The following SH3RF3 variants were observed in gnomAD, a reference collection of about 807,000 sequenced individuals.
SH3RF3 encodes the protein E3 ubiquitin-protein ligase SH3RF3.
In SH3RF3, 29 loss-of-function variants were observed where a neutral mutation model predicts 66.3. The ratio of observed to expected loss-of-function variants is 0.44; its 90% CI spans 0.33 to 0.60. SH3RF3 has a LOEUF of 0.60. Ranked by LOEUF, SH3RF3 falls within the 20% of genes least tolerant of loss-of-function variation. The pLI is 0.04. For synonymous variants in SH3RF3, 583 were observed against 532.0 expected (o/e 1.10, Z -1.32); for missense variants, 1,194 against 1,190.9 (o/e 1.00, Z -0.04).
chr2:109,457,298 T>C lies in SH3RF3; in HGVS notation c.2148+7809T>C, dbSNP rs547509203. ...GTAAAACTTATATCCCCGAGGCTTC[T>C]CTAAAAGATCAAAGGAGGGGTTAAT... On this transcript the variant is annotated intron_variant, in intron 8 of 9. Coordinates refer to ENST00000309415, the MANE Select transcript of SH3RF3 (RefSeq NM_001099289.3). Among the ~76,000 whole-genome samples, 9 of 152,342 alleles carry C rather than the reference T, an allele frequency of 5.9e-5. No individual in the cohort carries two copies. In the South Asian group the frequency reaches 1.9e-3, roughly 32 times the overall value.
At chr2:109,373,451 A>G (rs1013513688) in intron 3 of SH3RF3, among the ~76,000 whole-genome samples, 1 of 152,242 alleles carries the variant, frequency 6.6e-6, no homozygotes, top group African/African-American at 2.4e-5. Context: ...CAGTATATCC[A>G]TACAATGGAA....
At chr2:109,149,912 T>C (rs2104866148) in intron 1 of SH3RF3, among the ~76,000 whole-genome samples, 1 of 152,360 alleles carries the variant, frequency 6.6e-6, no homozygotes, top group South Asian at 2.1e-4. Context: ...GAAATCACTT[T>C]TTAATTGCAG....
chr2:109,256,031 G>A (rs988974569), intron 1 of SH3RF3, among the ~76,000 whole-genome samples: 3 of 152,100 alleles, frequency 2.0e-5, no homozygotes, highest in Admixed American at 2.0e-4. Flanking sequence ...CTCTCTTACT[G>A]TCCTCTTTTT....
intron 3 of SH3RF3, among the ~76,000 whole-genome samples, chr2:109,393,974 G>C (rs1187705939): frequency 6.6e-6 from 1 of 152,046 alleles, no homozygotes; most frequent in Non-Finnish European, 1.5e-5. Context: ...TGAAATTCCA[G>C]GGCTGGCCGC....
At chr2:109,331,259 G>A (rs562039633) in intron 1 of SH3RF3, among the ~76,000 whole-genome samples, 1 of 152,190 alleles carries the variant, frequency 6.6e-6, no homozygotes, top group South Asian at 2.1e-4. Flanking sequence ...CGCCTGTCCC[G>A]CAGGGCTGGG....
At chr2:109,284,043 C>T (rs1006428169) in intron 1 of SH3RF3, among the ~76,000 whole-genome samples, 5 of 152,166 alleles carry the variant, frequency 3.3e-5, no homozygotes, top group Non-Finnish European at 7.3e-5. Context: ...CATTGGGCTG[C>T]CTTCTCACTT....
intron 6 of SH3RF3, among the ~76,000 whole-genome samples, chr2:109,433,526 A>G (rs1235608797): frequency 6.6e-6 from 1 of 152,234 alleles, no homozygotes; most frequent in African/African-American, 2.4e-5. Context: ...TTGACACTGC[A>G]GGACACACAC....
chr2:109,450,467 A>G (rs1677836586), intron 8 of SH3RF3, among the ~76,000 whole-genome samples: 1 of 152,276 alleles, frequency 6.6e-6, no homozygotes. Flanking sequence ...GCTGTCCAGC[A>G]GAAACATAAT....
At chr2:109,460,694 A>T (rs1424123351) in intron 8 of SH3RF3, among the ~76,000 whole-genome samples, 1 of 143,208 alleles carries the variant, frequency 7.0e-6, no homozygotes, top group Non-Finnish European at 1.5e-5. Context: ...GTCTTTTCAC[A>T]TGTGCTTTTC....
chr2:109,245,211 C>G (rs1253423164), intron 1 of SH3RF3, among the ~76,000 whole-genome samples: 1 of 152,118 alleles, frequency 6.6e-6, no homozygotes, highest in Non-Finnish European at 1.5e-5. Flanking sequence ...TGTATAGCTC[C>G]TGTCTCTCTA....
At chr2:109,370,812 C>CA (rs1046559413) in intron 2 of SH3RF3, among the ~76,000 whole-genome samples, 1 of 152,162 alleles carries the variant, frequency 6.6e-6, no homozygotes, top group Non-Finnish European at 1.5e-5. Context: ...CCACTTTGTG[C>CA]ATTTATACTT....
intron 5 of SH3RF3, among the ~76,000 whole-genome samples, chr2:109,423,687 C>T (rs948033792): frequency 2.6e-5 from 4 of 152,202 alleles, no homozygotes; most frequent in East Asian, 1.9e-4. Flanking sequence ...AGAGGCCAGC[C>T]GCCCAGCCTC....
At chr2:109,164,979 T>G (rs1344042281) in intron 1 of SH3RF3, among the ~76,000 whole-genome samples, 3 of 152,234 alleles carry the variant, frequency 2.0e-5, no homozygotes, top group African/African-American at 7.2e-5. Context: ...TTTTAAAGCC[T>G]CTTCTTAGTC....
intron 1 of SH3RF3, among the ~76,000 whole-genome samples, chr2:109,298,159 G>A (rs1681367779): frequency 6.6e-6 from 1 of 152,196 alleles, no homozygotes; most frequent in Non-Finnish European, 1.5e-5. Flanking sequence ...CGGGTGGATG[G>A]CCCAGCTGGT....
At chr2:109,193,566 A>C (rs1435139060) in intron 1 of SH3RF3, among the ~76,000 whole-genome samples, 1 of 151,976 alleles carries the variant, frequency 6.6e-6, no homozygotes, top group Non-Finnish European at 1.5e-5. Context: ...AAGCTCACCC[A>C]TGTGGTATGT....
chr2:109,449,696 T>C (rs74429106), intron 8 of SH3RF3, among the ~76,000 whole-genome samples: 1,985 of 152,324 alleles, frequency 0.013, 28 homozygotes, highest in Non-Finnish European at 0.019. Flanking sequence ...CCTTGGGTGC[T>C]GGCAGGGCCA....
intron 1 of SH3RF3, among the ~76,000 whole-genome samples, chr2:109,144,631 G>A (rs371595167): frequency 2.0e-5 from 3 of 152,350 alleles, no homozygotes; most frequent in African/African-American, 7.2e-5. Context: ...GAGAAACCCA[G>A]CCTTTGGGAT....
chr2:109,151,490 C>T (rs533344384), intron 1 of SH3RF3, among the ~76,000 whole-genome samples: 3 of 152,180 alleles, frequency 2.0e-5, no homozygotes, highest in South Asian at 4.1e-4. Flanking sequence ...CTGGTAGCCA[C>T]GTCACAAATG....
chr2:109,276,940 G>A (rs781186699), intron 1 of SH3RF3, among the ~76,000 whole-genome samples: 2 of 152,194 alleles, frequency 1.3e-5, no homozygotes, highest in African/African-American at 4.8e-5. Context: ...GAGGGTGTAA[G>A]AAGGGGAGTC....
Sources: allele counts gnomAD v4.1 joint callset (sites outside exome capture counted in the v4.1 genomes callset), GRCh38; gene constraint gnomAD v4.1.1; transcripts MANE v1.5; gene names NCBI Gene and HGNC (gene_info 2026-07-23, HGNC 2026-07-21).